The following ZNF280D variants were observed in gnomAD, a reference collection of about 807,000 sequenced individuals.
The protein encoded by ZNF280D is zinc finger protein 280D, also known as suppressor of hairy wing homolog 4.
Under a neutral mutation model 94.7 loss-of-function variants are expected in ZNF280D, and 39 were observed. The ratio of observed to expected loss-of-function variants is 0.41; its 90% confidence interval spans 0.32 to 0.54. The LOEUF (loss-of-function observed/expected upper bound fraction) is 0.54. Among genes scored for constraint, ZNF280D ranks in the 20% least tolerant of loss-of-function variants. The pLI is 0.22. For missense variants in ZNF280D, 1,090 were observed against 1,149.3 expected, an observed-to-expected ratio of 0.95 and a Z score of 0.75; for synonymous variants, 398 against 377.6, an observed-to-expected ratio of 1.05 and a Z score of -0.63.
intron 9 of ZNF280D, among the ~76,000 whole-genome samples, chr15:56,686,026 C>G (rs2055984908): frequency 6.6e-6 from 1 of 152,106 alleles, no homozygotes; most frequent in African/African-American, 2.4e-5. Context: ...AAATGGAAAC[C>G]ATAACAGGGG....
At chr15:56,720,297 A>T (rs1319177518) in intron 1 of ZNF280D, among the ~76,000 whole-genome samples, 1 of 152,178 alleles carries the variant, frequency 6.6e-6, no homozygotes, top group Non-Finnish European at 1.5e-5. Flanking sequence ...ACTCATCCAT[A>T]AGAAACAACT....
At chr15:56,664,529 G>A (rs1275857582) in intron 16 of ZNF280D, among the ~76,000 whole-genome samples, 6 of 151,992 alleles carry the variant, frequency 3.9e-5, no homozygotes, top group Admixed American at 3.9e-4. Flanking sequence ...AAGGTAACAG[G>A]AAAAATACGT....
rs56365440 is a variant in ZNF280D, at chr15:56,670,009, A to ATATATATATATT, written c.1411-1053_1411-1052insAATATATATATA. On this transcript the variant is annotated intron_variant, in intron 13 of 21. Transcript: ENST00000267807. ...TTATATATATATATTATATATATAT[A>ATATATATATATT]ATATATATATATAGTGGTTTTAGAG... Among the ~76,000 whole-genome samples, 5 of 2,978 alleles carry ATATATATATATT rather than the reference A, an allele frequency of 1.7e-3. 2 individuals carry two copies. Among genetic ancestry groups the ATATATATATATT allele is most frequent in the Non-Finnish European group, 2.4e-3 (5 of 2,066 alleles). The allele number at this position is 2,978 out of a possible 152,430, so 2.0% of individuals were successfully genotyped here. A position where few individuals can be genotyped will look rare whatever the true frequency, so the allele number is the denominator to read the frequency against.
chr15:56,685,652 T>C (rs1268876287), intron 9 of ZNF280D, among the ~76,000 whole-genome samples: 2 of 152,224 alleles, frequency 1.3e-5, no homozygotes, highest in African/African-American at 4.8e-5. Flanking sequence ...GCTACTTTAA[T>C]CCTTCCTCAT....
intron 21 of ZNF280D, among the ~76,000 whole-genome samples, chr15:56,632,681 A>G (rs1207735183): frequency 2.0e-5 from 3 of 151,476 alleles, no homozygotes; most frequent in Non-Finnish European, 4.4e-5. Context: ...TATTTCATAG[A>G]GACAAGGTTT....
At chr15:56,702,777 G>C (rs2057158815) in intron 4 of ZNF280D, among the ~76,000 whole-genome samples, 1 of 151,942 alleles carries the variant, frequency 6.6e-6, no homozygotes, top group South Asian at 2.1e-4. Flanking sequence ...AAATTCGATT[G>C]GTGAAATTAC....
At chr15:56,662,204 AT>A (rs201901188) in intron 16 of ZNF280D, among the ~76,000 whole-genome samples, 2 of 152,112 alleles carry the variant, frequency 1.3e-5, no homozygotes, top group East Asian at 1.9e-4. Context: ...ATTTATGTGC[AT>A]TTTTTTCAGA....
At chr15:56,721,222 C>T (rs1248144428) in intron 1 of ZNF280D, among the ~76,000 whole-genome samples, 5 of 152,148 alleles carry the variant, frequency 3.3e-5, no homozygotes, top group African/African-American at 1.2e-4. Flanking sequence ...CCACCCATCT[C>T]CACCTCCCAA....
chr15:56,704,028 C>T, intron 4 of ZNF280D, 93 bp downstream of exon 4: 2 of 1,368,816 alleles, frequency 1.5e-6, no homozygotes, highest in Admixed American at 2.3e-5. Flanking sequence ...TACAGTGGAA[C>T]ATGAACATCA....
chr15:56,709,001 G>A (rs1465447802), intron 1 of ZNF280D, among the ~76,000 whole-genome samples: 2 of 152,088 alleles, frequency 1.3e-5, no homozygotes, highest in Non-Finnish European at 2.9e-5. Flanking sequence ...AGCCAAAATT[G>A]ACAAATGGGA....
chr15:56,643,830 T>C (rs549493485), intron 19 of ZNF280D, among the ~76,000 whole-genome samples: 1 of 151,982 alleles, frequency 6.6e-6, no homozygotes, highest in Admixed American at 6.5e-5. Flanking sequence ...GAAGGCTTAA[T>C]AGCTATACCT....
Position 56,682,484 on chromosome 15 carries a change from G to GAAA in ZNF280D, c.781-8_781-7insTTT, listed in dbSNP as rs778486231. On this transcript the variant is annotated splice_region_variant and splice_polypyrimidine_tract_variant and intron_variant, in intron 9 of 21. Coordinates refer to ENST00000267807, the MANE Select transcript of ZNF280D (RefSeq NM_017661.4). The stretch of plus-strand genomic sequence containing the variant: ...TCATGTCTGGACAACAATACTGAAA[G>GAAA]AGAAAAAAAAAAAAAAAAAACAAGC... 4.5e-5 allele frequency: 18 copies of GAAA among 400,614 alleles called. No homozygotes were observed. The highest frequency in any genetic ancestry group is 8.2e-5 in the Admixed American group (1 of 12,136). 24.8% of individuals were successfully genotyped at this position (400,614 alleles called of 1,614,324 possible).
At chr15:56,654,329 CA>C (rs777889103) in intron 18 of ZNF280D, 55 bp downstream of exon 18, 20 of 1,593,892 alleles carry the variant, frequency 1.3e-5, no homozygotes, top group Non-Finnish European at 1.6e-5. Context: ...TGTGGATGAC[CA>C]AAAATACTGG....
intron 6 of ZNF280D, among the ~76,000 whole-genome samples, chr15:56,696,222 A>G (rs1157857751): frequency 6.6e-6 from 1 of 152,126 alleles, no homozygotes; most frequent in Non-Finnish European, 1.5e-5. Context: ...TTCAAAGTAA[A>G]CATTTTCTCC....
At chr15:56,681,447 G>C (rs2055612305) in intron 10 of ZNF280D, among the ~76,000 whole-genome samples, 1 of 152,096 alleles carries the variant, frequency 6.6e-6, no homozygotes, top group South Asian at 2.1e-4. Flanking sequence ...AAATGTTAAT[G>C]GTAGAATCAA....
chr15:56,668,508 G>C (rs1291173087), intron 14 of ZNF280D, among the ~76,000 whole-genome samples: 1 of 152,002 alleles, frequency 6.6e-6, no homozygotes, highest in Non-Finnish European at 1.5e-5. Flanking sequence ...TTATAGTTTA[G>C]CAACTAAAGT....
At chr15:56,654,945 T>C (rs2053445386) in intron 17 of ZNF280D, 7 of 345,970 alleles carry the variant, frequency 2.0e-5, no homozygotes, top group South Asian at 1.5e-4. Flanking sequence ...GAACAAGAAA[T>C]AGTACTGTCT....
chr15:56,651,139 T>C (rs1429875174), intron 19 of ZNF280D, among the ~76,000 whole-genome samples: 1 of 152,206 alleles, frequency 6.6e-6, no homozygotes, highest in Non-Finnish European at 1.5e-5. Context: ...TCAATAAATA[T>C]TCGCTGAATA....
chr15:56,634,325 G>C (rs573935567), intron 21 of ZNF280D, among the ~76,000 whole-genome samples: 1 of 152,008 alleles, frequency 6.6e-6, no homozygotes, highest in South Asian at 2.1e-4. Flanking sequence ...ATAATTCTTA[G>C]TTTTGTTCAG....
Sources: gnomAD v4.1 joint callset for allele counts (sites outside exome capture counted in the v4.1 genomes callset) on GRCh38, gnomAD v4.1.1 for gene constraint, MANE v1.5 for transcripts, NCBI Gene and HGNC (gene_info 2026-07-23, HGNC 2026-07-21) for gene names.